Variants in DIAPH3 observed in about 807,000 individuals in gnomAD.
The protein encoded by DIAPH3 is protein diaphanous homolog 3.
In DIAPH3, 117 loss-of-function variants were observed where a neutral mutation model predicts 144.3. That is an observed-to-expected ratio of 0.81 (90% CI 0.70 to 0.95). DIAPH3 has a LOEUF of 0.95. Ranked by LOEUF, DIAPH3 falls within the 40% of genes least tolerant of loss-of-function variation. The probability of loss-of-function intolerance (pLI) is 0.00; values close to 1 mark genes in which losing one functional copy is unlikely to be tolerated. For missense variants in DIAPH3, 1,421 were observed against 1,412.7 expected, an observed-to-expected ratio of 1.01 and a Z score of -0.09; for synonymous variants, 519 against 488.9, an observed-to-expected ratio of 1.06 and a Z score of -0.81.
At chr13:59,807,069 A>C (rs932057759) in intron 25 of DIAPH3, among the ~76,000 whole-genome samples, 2 of 151,920 alleles carry the variant, frequency 1.3e-5, no homozygotes, top group African/African-American at 4.8e-5. Context: ...TTTTTTTAAA[A>C]ATGAAAAAAG....
chr13:60,057,237 T>C (rs1226783886), intron 4 of DIAPH3, among the ~76,000 whole-genome samples: 1 of 151,698 alleles, frequency 6.6e-6, no homozygotes, highest in Non-Finnish European at 1.5e-5. Flanking sequence ...AAATCAGTAG[T>C]ACTGCTAAAT....
intron 5 of DIAPH3, among the ~76,000 whole-genome samples, chr13:60,020,423 A>G (rs1178760609): frequency 6.6e-6 from 1 of 152,212 alleles, no homozygotes; most frequent in Non-Finnish European, 1.5e-5. Context: ...GCTGGAGTAC[A>G]GTGACACAAT....
chr13:59,980,664 T>C, intron 14 of DIAPH3, 131 bp downstream of exon 14: 2 of 790,864 alleles, frequency 2.5e-6, no homozygotes. Flanking sequence ...TCCTCCTTGG[T>C]GGAGGGCATC....
At chr13:59,966,009 A>C (rs1465156326) in intron 17 of DIAPH3, among the ~76,000 whole-genome samples, 1 of 152,208 alleles carries the variant, frequency 6.6e-6, no homozygotes, top group East Asian at 1.9e-4. Context: ...AATTTAAAAT[A>C]CAGAAAGCTA....
intron 24 of DIAPH3, among the ~76,000 whole-genome samples, chr13:59,820,046 T>C (rs1056703993): frequency 2.6e-5 from 4 of 151,902 alleles, no homozygotes; most frequent in African/African-American, 9.7e-5. Context: ...TATTATTTCT[T>C]TACAATAACA....
chr13:59,892,654 G>A (rs1413150929), intron 20 of DIAPH3, among the ~76,000 whole-genome samples: 1 of 151,652 alleles, frequency 6.6e-6, no homozygotes, highest in African/African-American at 2.4e-5. Context: ...GAATAAGAGT[G>A]AATAAGTCAA....
intron 25 of DIAPH3, among the ~76,000 whole-genome samples, chr13:59,784,581 T>C (rs2038930562): frequency 6.6e-6 from 1 of 151,250 alleles, no homozygotes; most frequent in Admixed American, 6.6e-5. Flanking sequence ...TTCACCACGT[T>C]GCCCAGGCTG....
At chr13:59,755,238 T>C (rs753845054) in intron 27 of DIAPH3, among the ~76,000 whole-genome samples, 14 of 152,090 alleles carry the variant, frequency 9.2e-5, no homozygotes, top group South Asian at 2.1e-4. Context: ...AAATGTTCAT[T>C]GATAATGAAG....
intron 3 of DIAPH3, among the ~76,000 whole-genome samples, chr13:60,101,414 T>C (rs910667286): frequency 6.6e-6 from 1 of 152,130 alleles, no homozygotes; most frequent in Admixed American, 6.5e-5. Context: ...TCACCCACAA[T>C]GGCCCTAAAG....
intron 17 of DIAPH3, among the ~76,000 whole-genome samples, chr13:59,967,157 C>A (rs1452965469): frequency 6.6e-6 from 1 of 152,000 alleles, no homozygotes; most frequent in Non-Finnish European, 1.5e-5. Flanking sequence ...ACCTCTGCCT[C>A]CCAGGTTCAA....
At chr13:60,161,004 A>G (rs1006079614) in intron 1 of DIAPH3, among the ~76,000 whole-genome samples, 1 of 152,190 alleles carries the variant, frequency 6.6e-6, no homozygotes, top group African/African-American at 2.4e-5. Context: ...GTAAAACAAG[A>G]TTTCAGCGGG....
intron 22 of DIAPH3, among the ~76,000 whole-genome samples, chr13:59,851,369 T>C (rs1243053625): frequency 6.6e-6 from 1 of 152,206 alleles, no homozygotes; most frequent in African/African-American, 2.4e-5. Context: ...ATGGCCTCTC[T>C]ACGACTCTTT....
intron 4 of DIAPH3, among the ~76,000 whole-genome samples, chr13:60,047,700 C>T (rs1426546267): frequency 2.0e-5 from 3 of 152,114 alleles, no homozygotes; most frequent in Non-Finnish European, 2.9e-5. Context: ...AAAAATCCTC[C>T]TTGCCTTGGA....
chr13:60,048,522 A>T (rs1279926865), intron 4 of DIAPH3, among the ~76,000 whole-genome samples: 1 of 152,240 alleles, frequency 6.6e-6, no homozygotes, highest in Non-Finnish European at 1.5e-5. Flanking sequence ...TCCCTATAGT[A>T]GTCTCCTAGA....
At position 60,153,237 on chromosome 13, in the gene DIAPH3, T is replaced by C. The variant is rs567410980; in HGVS notation, c.180+10350A>G. 2.0e-5 allele frequency among the ~76,000 whole-genome samples: 3 copies of C among 152,160 alleles called. No homozygotes were observed. In the East Asian group the frequency reaches 5.8e-4, roughly 29 times the overall value. The stretch of plus-strand genomic sequence containing the variant: ...TTATAATTCCAAAATCACATTATTC[T>C]GGAAACTATGCACCCACAGGTATGG... On this transcript the variant is annotated intron_variant, in intron 1 of 27. Coordinates refer to ENST00000400324, the MANE Select transcript of DIAPH3 (RefSeq NM_001042517.2).
At chr13:60,052,106 A>T (rs1879689494) in intron 4 of DIAPH3, among the ~76,000 whole-genome samples, 1 of 152,160 alleles carries the variant, frequency 6.6e-6, no homozygotes, top group Non-Finnish European at 1.5e-5. Context: ...ATGAACGATG[A>T]GGCAAACAAA....
At chr13:59,960,557 T>C (rs1313472191) in intron 17 of DIAPH3, among the ~76,000 whole-genome samples, 1 of 152,202 alleles carries the variant, frequency 6.6e-6, no homozygotes, top group African/African-American at 2.4e-5. Context: ...TATTTGCCTA[T>C]CAAATAAAGG....
At chr13:60,002,415 C>T (rs548828587) in intron 9 of DIAPH3, among the ~76,000 whole-genome samples, 1 of 152,230 alleles carries the variant, frequency 6.6e-6, no homozygotes, top group Non-Finnish European at 1.5e-5. Context: ...ACACAACCCA[C>T]TGCAACTGGC....
intron 27 of DIAPH3, among the ~76,000 whole-genome samples, chr13:59,733,833 T>A (rs992434380): frequency 3.6e-4 from 55 of 152,222 alleles, no homozygotes; most frequent in African/African-American, 1.2e-3. Flanking sequence ...ATTCAGCATT[T>A]TCCAACCCAG....
Sources: gnomAD v4.1 joint callset for allele counts (sites outside exome capture counted in the v4.1 genomes callset) on GRCh38, gnomAD v4.1.1 for gene constraint, MANE v1.5 for transcripts, NCBI Gene and HGNC (gene_info 2026-07-23, HGNC 2026-07-21) for gene names.